WRN: variants seen among roughly 807,000 people sequenced by gnomAD.
WRN encodes the protein WRN RecQ like helicase.
A neutral mutation model predicts 180.7 loss-of-function variants in WRN; 149 were observed. That is an observed-to-expected ratio of 0.82 (90% CI 0.72 to 0.94). The LOEUF is 0.94. Ranked by LOEUF, WRN falls within the 40% of genes least tolerant of loss-of-function variation. The pLI is 0.00. For missense variants in WRN, 1,661 were observed against 1,700.1 expected, an observed-to-expected ratio of 0.98 and a Z score of 0.40; for synonymous variants, 548 against 568.9, an observed-to-expected ratio of 0.96 and a Z score of 0.52.
rs558254089 is a variant in WRN at position 31,157,872 on chromosome 8, C to T, written c.3982+342C>T. 1.4e-4 allele frequency among the ~76,000 whole-genome samples: 21 copies of T among 152,108 alleles called. No homozygotes were observed. The South Asian group carries it at 3.3e-3, about 24-fold the overall frequency. On this transcript the variant is annotated intron_variant, in intron 33 of 34. Transcript: ENST00000298139. ...CTTCCTGAGTAGCTGGGACTACAGG[C>T]GTGTGCCACCATGCCCAGCTATTTT...
intron 1 of WRN, among the ~76,000 whole-genome samples, chr8:31,039,416 A>G (rs1470237421): frequency 1.3e-5 from 2 of 149,878 alleles, no homozygotes; most frequent in African/African-American, 4.9e-5. Flanking sequence ...TTGATGTTGT[A>G]CTCTGAAACT....
chr8:31,129,735 G>A (rs1274099593), intron 23 of WRN, among the ~76,000 whole-genome samples: 1 of 151,728 alleles, frequency 6.6e-6, no homozygotes, highest in East Asian at 1.9e-4. Flanking sequence ...GGCTGGGTGC[G>A]TTGGCTCACG....
intron 21 of WRN, 117 bp downstream of exon 21, chr8:31,120,541 T>A (rs1334854967): frequency 1.6e-3 from 1,121 of 689,186 alleles, no homozygotes; most frequent in South Asian, 4.2e-3. Context: ...GCATTTAAAG[T>A]AAAAAAAAAA....
intron 21 of WRN, 117 bp downstream of exon 21, chr8:31,120,541 T>TAAA (rs368026803): frequency 2.4e-4 from 167 of 689,326 alleles, no homozygotes; most frequent in Middle Eastern, 4.4e-4. Context: ...GCATTTAAAG[T>TAAA]AAAAAAAAAA....
rs540283267 is a variant in WRN at position 31,100,975 on chromosome 8, A to T, written c.2088+20A>T. On this transcript the variant is annotated intron_variant, in intron 18 of 34. Transcript: ENST00000298139. ...CCAATGGTAAGCTTTGCCAAGTCTG[A>T]TGTCCCGAAATTACATTCTTAATAA... 1.3e-6 allele frequency: 2 copies of T among 1,592,458 alleles called. No individual in the cohort carries two copies. Among genetic ancestry groups the T allele is most frequent in the African/African-American group, 2.7e-5 (2 of 74,508 alleles).
Position 31,081,255 on chromosome 8 carries a change from C to T in WRN, c.1228C>T (p.Gln410Ter), listed in dbSNP as rs1563339055. 1 of 1,613,144 alleles carries T rather than the reference C, an allele frequency of 6.2e-7. No individual in the cohort carries two copies. The highest frequency in any genetic ancestry group is 8.5e-7 in the Non-Finnish European group (1 of 1,179,384). ...ACTCCAAATTTTGGAACAGCAGTCTCAGGAAGAATATCTTAGTGATATTGC... is the reference window on the plus strand; with the variant it reads ...ACTCCAAATTTTGGAACAGCAGTCTTAGGAAGAATATCTTAGTGATATTGC... ...HELQILEQQS[Q>*]EEYLSDIAYK... Residue 410 changes from glutamine (Q) to a stop codon, truncating the protein, a stop_gained, in exon 9 of 35, where the codon CAG (glutamine) becomes TAG (stop). Coordinates refer to ENST00000298139, the MANE Select transcript of WRN (RefSeq NM_000553.6). LOFTEE classifies it high-confidence loss of function.
At chr8:31,143,522 T>A (rs750177083) in intron 27 of WRN, 28 bp from the exon 28 acceptor site, 6 of 1,487,070 alleles carry the variant, frequency 4.0e-6, no homozygotes, top group Middle Eastern at 1.7e-4. Context: ...AAACTTTTTT[T>A]AATGGACCTT....
chr8:31,064,872 C>T (rs1812632327), intron 4 of WRN, 43 bp from the exon 5 acceptor site: 9 of 1,605,510 alleles, frequency 5.6e-6, no homozygotes, highest in Non-Finnish European at 7.7e-6. Context: ...ATAAATCCAT[C>T]ATACTTGACA....
At chr8:31,043,505 G>A (rs905428800) in intron 1 of WRN, among the ~76,000 whole-genome samples, 2 of 152,126 alleles carry the variant, frequency 1.3e-5, no homozygotes, top group Non-Finnish European at 2.9e-5. Flanking sequence ...AGATTAGGAT[G>A]CTATTGAAAT....
intron 1 of WRN, among the ~76,000 whole-genome samples, chr8:31,040,635 A>G (rs1811616756): frequency 6.6e-6 from 1 of 152,178 alleles, no homozygotes; most frequent in African/African-American, 2.4e-5. Context: ...AGAATTGGCT[A>G]TAGGATTTGA....
At chr8:31,124,076 T>G (rs983114502) in intron 21 of WRN, among the ~76,000 whole-genome samples, 1 of 152,090 alleles carries the variant, frequency 6.6e-6, no homozygotes, top group Non-Finnish European at 1.5e-5. Flanking sequence ...AATTTGAGCT[T>G]CTTTCAGTGT....
At position 31,120,358 on chromosome 8, in the gene WRN, C is replaced by G. The variant is rs1284001743; in HGVS notation, c.2564C>G (p.Ala855Gly). Residue 855 changes from alanine (A) to glycine (G), a missense_variant, in exon 21 of 35, where the codon GCT becomes GGT. This residue lies in a region of WRN where 1,141 missense variants were observed against 1,149.4 expected (regional missense o/e 0.99). Transcript: ENST00000298139. ...MESYYQEIGR[A>G]GRDGLQSSCH... is the part of the protein sequence containing the mutation. ...TCATATTATCAGGAGATTGGTAGAG[C>G]TGGTCGTGATGGACTTCAAAGTTCT... 5 of 1,612,846 alleles carry G rather than the reference C, an allele frequency of 3.1e-6. No individual in the cohort carries two copies. The highest frequency in any genetic ancestry group is 1.3e-5 in the African/African-American group (1 of 74,968).
intron 34 of WRN, among the ~76,000 whole-genome samples, chr8:31,168,156 C>G (rs1419494761): frequency 1.3e-5 from 2 of 151,954 alleles, no homozygotes; most frequent in African/African-American, 4.8e-5. Flanking sequence ...TAGTCATGTC[C>G]TAGATAATCT....
chr8:31,034,587 C>T (rs1392036771), intron 1 of WRN, among the ~76,000 whole-genome samples: 1 of 152,050 alleles, frequency 6.6e-6, no homozygotes, highest in Non-Finnish European at 1.5e-5. Context: ...TAGGACAGTT[C>T]AGATCTTGAT....
rs1184434463 is a variant in WRN, at chr8:31,090,817, A to AT, written c.1721-10dup. The AT allele has an allele frequency of 3.2e-6, 5 of 1,572,816 alleles. No homozygotes were observed. Among genetic ancestry groups the AT allele is most frequent in the East Asian group, 4.5e-5 (2 of 44,350 alleles). ...TATATTTTTTTCATTTTATTTTTAT[A>AT]TTTTTTTCATTTCAAGGATATGGAA... On this transcript the variant is annotated splice_polypyrimidine_tract_variant and intron_variant, in intron 14 of 34. Transcript: ENST00000298139.
chr8:31,083,664 A>T, intron 9 of WRN, 35 bp from the exon 10 acceptor site: 1 of 1,553,908 alleles, frequency 6.4e-7, no homozygotes, highest in Non-Finnish European at 8.8e-7. Flanking sequence ...GAAGTCAATT[A>T]TATTGGAAAT....
At chr8:31,136,239 C>T (rs996648532) in intron 24 of WRN, among the ~76,000 whole-genome samples, 1 of 152,218 alleles carries the variant, frequency 6.6e-6, no homozygotes, top group Non-Finnish European at 1.5e-5. Context: ...GTGATCCGCC[C>T]ACCTTGGCTT....
At chr8:31,100,152 T>G (rs1814165313) in intron 17 of WRN, among the ~76,000 whole-genome samples, 1 of 152,226 alleles carries the variant, frequency 6.6e-6, no homozygotes, top group Non-Finnish European at 1.5e-5. Context: ...CTGAAAACAT[T>G]GTCACGGATG....
chr8:31,064,599 A>G (rs1192981076), intron 4 of WRN, among the ~76,000 whole-genome samples, 165 bp downstream of exon 4: 1 of 152,072 alleles, frequency 6.6e-6, no homozygotes, highest in Non-Finnish European at 1.5e-5. Context: ...GTTTTATTTA[A>G]TTTTCACAAC....
Sources: gnomAD v4.1 joint callset for allele counts (sites outside exome capture counted in the v4.1 genomes callset) on GRCh38, gnomAD v4.1.1 for gene constraint, gnomAD v4.1.1 regional missense constraint, MANE v1.5 for transcripts, NCBI Gene and HGNC (gene_info 2026-07-23, HGNC 2026-07-21) for gene names.